Variants in DTD1 observed in about 807,000 individuals in gnomAD.
The protein encoded by DTD1 is D-aminoacyl-tRNA deacylase 1.
In DTD1, 13 loss-of-function variants were observed where a neutral mutation model predicts 25.6. The observed-to-expected ratio is 0.51, with a 90% CI of 0.33 to 0.81. The LOEUF (loss-of-function observed/expected upper bound fraction) is 0.81, where lower values mean the gene tolerates loss of function less well. DTD1 is among the 30% of genes least tolerant of loss of function. The pLI, the probability that DTD1 is intolerant of heterozygous loss-of-function variation, is 0.02. For synonymous variants in DTD1, 110 were observed against 103.6 expected, an observed-to-expected ratio of 1.06 and a Z score of -0.37; for missense variants, 193 against 266.4, an observed-to-expected ratio of 0.72 and a Z score of 1.92.
At chr20:18,659,028 C>T (rs2060899820) in intron 4 of DTD1, among the ~76,000 whole-genome samples, 2 of 152,078 alleles carry the variant, frequency 1.3e-5, no homozygotes, top group Non-Finnish European at 2.9e-5. Context: ...TGAAAATGAA[C>T]TTTATTATCT....
chr20:18,682,762 T>C (rs1249889940), intron 4 of DTD1, among the ~76,000 whole-genome samples: 1 of 152,172 alleles, frequency 6.6e-6, no homozygotes, highest in African/African-American at 2.4e-5. Context: ...TATCCACTAG[T>C]TGGTTTCAGT....
At chr20:18,740,156 T>A (rs1003483284) in intron 4 of DTD1, among the ~76,000 whole-genome samples, 1 of 152,118 alleles carries the variant, frequency 6.6e-6, no homozygotes, top group African/African-American at 2.4e-5. Context: ...TAATTGGGGT[T>A]ACTCCCCATC....
chr20:18,635,215 A>T (rs1451697226), intron 4 of DTD1, among the ~76,000 whole-genome samples: 1 of 152,198 alleles, frequency 6.6e-6, no homozygotes, highest in African/African-American at 2.4e-5. Flanking sequence ...TCATTTTGTC[A>T]TATTAATTTA....
chr20:18,736,469 C>T lies in DTD1; in HGVS notation c.478-7631C>T, dbSNP rs77114508. 8.7e-3 allele frequency among the ~76,000 whole-genome samples: 1,321 copies of T among 152,326 alleles called. 14 individuals are homozygous for T. The highest frequency in any genetic ancestry group is 0.035 in the South Asian group (168 of 4,814). Reference sequence around the variant, plus strand: ...CTGTGTCATCGTCACCCTGGATCATCCCACAGTGTGAAGGGATCTGTCTTT... The same window carrying T: ...CTGTGTCATCGTCACCCTGGATCATTCCACAGTGTGAAGGGATCTGTCTTT... On this transcript the variant is annotated intron_variant, in intron 4 of 5. Coordinates refer to ENST00000377452, the MANE Select transcript of DTD1 (RefSeq NM_080820.6).
At chr20:18,645,988 G>A (rs1425463793) in intron 4 of DTD1, among the ~76,000 whole-genome samples, 1 of 152,204 alleles carries the variant, frequency 6.6e-6, no homozygotes, top group Admixed American at 6.5e-5. Flanking sequence ...GATGTAGAAT[G>A]CTTGGCATTT....
At chr20:18,663,494 TG>T (rs1488517522) in intron 4 of DTD1, among the ~76,000 whole-genome samples, 7 of 152,260 alleles carry the variant, frequency 4.6e-5, no homozygotes, top group African/African-American at 1.7e-4. Context: ...TGGTTAACAA[TG>T]GGATCCATAT....
At chr20:18,758,022 T>G (rs1375962994) in intron 5 of DTD1, among the ~76,000 whole-genome samples, 3 of 152,234 alleles carry the variant, frequency 2.0e-5, no homozygotes, top group Admixed American at 6.5e-5. Context: ...GTCGAGGAAT[T>G]TATCCATTTC....
intron 4 of DTD1, among the ~76,000 whole-genome samples, chr20:18,679,691 G>A (rs567872742): frequency 6.6e-6 from 1 of 152,208 alleles, no homozygotes; most frequent in African/African-American, 2.4e-5. Context: ...CAGATGTGAT[G>A]GAAATAAGTA....
intron 3 of DTD1, among the ~76,000 whole-genome samples, chr20:18,606,886 C>A (rs144730358): frequency 0.33 from 49,087 of 149,792 alleles, 8,542 homozygotes; most frequent in East Asian, 0.43. Context: ...ATGTAACTAA[C>A]CTGCACAATG....
At chr20:18,761,740 C>T (rs1011057066) in intron 5 of DTD1, among the ~76,000 whole-genome samples, 1 of 152,126 alleles carries the variant, frequency 6.6e-6, no homozygotes. Flanking sequence ...TCTCAAAGGT[C>T]AATGTGGGGA....
intron 4 of DTD1, among the ~76,000 whole-genome samples, chr20:18,708,265 TTATATATATATAATATATATTA>T: frequency 7.2e-5 from 1 of 13,822 alleles, no homozygotes; most frequent in African/African-American, 2.9e-4. Flanking sequence ...TATATATATT[TTATATATATATAATATATATTA>T]TATATATATA....
chr20:18,670,397 G>A (rs938590977), intron 4 of DTD1, among the ~76,000 whole-genome samples: 7 of 152,100 alleles, frequency 4.6e-5, no homozygotes, highest in Non-Finnish European at 8.8e-5. Flanking sequence ...CGGAGGTTGC[G>A]GTGAGCCAAG....
At chr20:18,646,562 C>G (rs1271832037) in intron 4 of DTD1, among the ~76,000 whole-genome samples, 1 of 152,198 alleles carries the variant, frequency 6.6e-6, no homozygotes, top group African/African-American at 2.4e-5. Flanking sequence ...TCTGGCAGGA[C>G]TCCTACTAAG....
At chr20:18,762,136 A>C (rs368018989) in intron 5 of DTD1, among the ~76,000 whole-genome samples, 26 of 152,368 alleles carry the variant, frequency 1.7e-4, no homozygotes, top group African/African-American at 5.8e-4. Context: ...CTATGGAAGC[A>C]TCTGCTTGTG....
chr20:18,650,039 G>A (rs557978799), intron 4 of DTD1, among the ~76,000 whole-genome samples: 5 of 152,186 alleles, frequency 3.3e-5, no homozygotes, highest in South Asian at 2.1e-4. Context: ...ACAGGGAGAC[G>A]TTATCTTTAC....
chr20:18,725,821 C>T (rs1041932074), intron 4 of DTD1, among the ~76,000 whole-genome samples: 6 of 152,224 alleles, frequency 3.9e-5, no homozygotes, highest in East Asian at 1.9e-4. Flanking sequence ...AGCAGATGTC[C>T]GACAAAAAAC....
At chr20:18,697,458 C>G (rs896851695) in intron 4 of DTD1, among the ~76,000 whole-genome samples, 2 of 152,054 alleles carry the variant, frequency 1.3e-5, no homozygotes, top group Non-Finnish European at 2.9e-5. Context: ...ATTCCTTAAA[C>G]AAAATGCTTG....
At chr20:18,686,949 G>A (rs1254413580) in intron 4 of DTD1, among the ~76,000 whole-genome samples, 1 of 152,156 alleles carries the variant, frequency 6.6e-6, no homozygotes, top group Non-Finnish European at 1.5e-5. Flanking sequence ...TTTGTGCCAG[G>A]CACTGTCTAG....
At chr20:18,619,195 G>A (rs890320315) in intron 3 of DTD1, among the ~76,000 whole-genome samples, 1 of 152,060 alleles carries the variant, frequency 6.6e-6, no homozygotes, top group African/African-American at 2.4e-5. Context: ...TTCTGTGAGT[G>A]CTTTATACAT....
Sources: gnomAD v4.1 joint callset for allele counts (sites outside exome capture counted in the v4.1 genomes callset) on GRCh38, gnomAD v4.1.1 for gene constraint, MANE v1.5 for transcripts, NCBI Gene and HGNC (gene_info 2026-07-23, HGNC 2026-07-21) for gene names.